Variants in TBC1D23 observed in about 807,000 individuals in gnomAD.
TBC1D23 encodes the protein HCV non-structural protein 4A-transactivated protein 1.
A neutral mutation model predicts 91.4 loss-of-function variants in TBC1D23; 55 were observed. The observed-to-expected ratio is 0.60, with a 90% CI of 0.48 to 0.75. The LOEUF (loss-of-function observed/expected upper bound fraction) is 0.75. TBC1D23 is among the 30% of genes least tolerant of loss of function. TBC1D23 has a pLI of 0.00. For missense variants in TBC1D23, 725 were observed against 836.1 expected (o/e 0.87, Z 1.64); for synonymous variants, 289 against 281.0 (o/e 1.03, Z -0.28).
intron 1 of TBC1D23, among the ~76,000 whole-genome samples, chr3:100,263,101 G>C (rs1045585936): frequency 6.6e-6 from 1 of 152,206 alleles, no homozygotes; most frequent in Non-Finnish European, 1.5e-5. Context: ...TCCGAAAAGA[G>C]AGTCAGCGAA....
intron 1 of TBC1D23, among the ~76,000 whole-genome samples, chr3:100,264,147 A>C (rs2067537890): frequency 6.6e-6 from 1 of 152,042 alleles, no homozygotes; most frequent in South Asian, 2.1e-4. Flanking sequence ...TGGGTTATAG[A>C]ATGGGGATGC....
At chr3:100,299,355 A>C in intron 10 of TBC1D23, 24 bp downstream of exon 10, 1 of 1,444,882 alleles carries the variant, frequency 6.9e-7, no homozygotes, top group Non-Finnish European at 9.6e-7. Context: ...CTGATTAATT[A>C]TTCTTAAAGT....
chr3:100,280,990 T>G (rs1158297174), intron 2 of TBC1D23, among the ~76,000 whole-genome samples: 4 of 152,228 alleles, frequency 2.6e-5, no homozygotes, highest in African/African-American at 4.8e-5. Flanking sequence ...TGAATCCCCA[T>G]CTCTACTAAA....
chr3:100,319,062 T>G lies in TBC1D23; in HGVS notation c.1688-7T>G, dbSNP rs1705805136. The G allele has an allele frequency of 1.3e-6, 2 of 1,531,658 alleles. No homozygotes were observed. The highest frequency in any genetic ancestry group is 1.4e-5 in the African/African-American group (1 of 71,842). 94.9% of individuals were successfully genotyped at this position (1,531,658 alleles called of 1,614,324 possible). A position where few individuals can be genotyped will look rare whatever the true frequency, so the allele number is the denominator to read the frequency against. Reference sequence around the variant, plus strand: ...TATCCATATTTAATACTTTGTATTTTTTATAGATGAAATTGACAGTTCTTC... The same window carrying G: ...TATCCATATTTAATACTTTGTATTTGTTATAGATGAAATTGACAGTTCTTC... On this transcript the variant is annotated splice_polypyrimidine_tract_variant and splice_region_variant and intron_variant, in intron 16 of 18. Transcript: ENST00000394144.
At chr3:100,306,262 G>C (rs1289425764) in intron 12 of TBC1D23, among the ~76,000 whole-genome samples, 175 bp from the exon 13 acceptor site, 2 of 152,182 alleles carry the variant, frequency 1.3e-5, no homozygotes, top group African/African-American at 4.8e-5. Context: ...AGGAAGGTTT[G>C]CTCTAGCTTG....
At position 100,266,552 on chromosome 3, in the gene TBC1D23, A is replaced by G. The variant is rs996571382; in HGVS notation, c.53+5481A>G. ...CCACAGTGTTGGGACTACAGGCATG[A>G]GCCACTGCACCCAGCCTAAAGGTAA... On this transcript the variant is annotated intron_variant, in intron 1 of 18. Coordinates refer to ENST00000394144, the MANE Select transcript of TBC1D23 (RefSeq NM_001199198.3). 2.0e-5 allele frequency among the ~76,000 whole-genome samples: 3 copies of G among 152,326 alleles called. No individual in the cohort carries two copies. In the East Asian group the frequency reaches 5.8e-4, roughly 29 times the overall value.
At chr3:100,283,398 C>G (rs1031220285) in intron 3 of TBC1D23, among the ~76,000 whole-genome samples, 3 of 151,702 alleles carry the variant, frequency 2.0e-5, no homozygotes, top group African/African-American at 7.3e-5. Context: ...TGTTATAAAG[C>G]GTTTTGACTG....
At position 100,323,676 on chromosome 3, in the gene TBC1D23, G is replaced by A; in HGVS notation, c.*8G>A. 1.4e-6 allele frequency: 2 copies of A among 1,430,622 alleles called. No individual in the cohort carries two copies. Among genetic ancestry groups the A allele is most frequent in the Non-Finnish European group, 1.9e-6 (2 of 1,066,208 alleles). The allele number at this position is 1,430,622 out of a possible 1,614,324, so 88.6% of individuals were successfully genotyped here. On this transcript the variant is annotated 3_prime_UTR_variant, in exon 19 of 19. Transcript: ENST00000394144. Reference sequence around the variant, plus strand: ...GATGCTTTGGAAAGTTAATATAAAAGAAAATTATATAAAAAGAAATTAAGA... The same window carrying A: ...GATGCTTTGGAAAGTTAATATAAAAAAAAATTATATAAAAAGAAATTAAGA...
intron 13 of TBC1D23, 127 bp from the exon 14 acceptor site, chr3:100,310,276 G>A (rs1340650749): frequency 1.3e-6 from 1 of 788,038 alleles, no homozygotes; most frequent in East Asian, 2.5e-5. Flanking sequence ...AGATATACTG[G>A]GAGTTAGGAC....
intron 5 of TBC1D23, 70 bp downstream of exon 5, chr3:100,290,771 T>C (rs2067783324): frequency 7.5e-7 from 1 of 1,332,306 alleles, no homozygotes; most frequent in Non-Finnish European, 1.0e-6. Flanking sequence ...GGTGGGTTTT[T>C]TTTTTCAAGG....
At chr3:100,304,635 C>G (rs113373083) in intron 11 of TBC1D23, among the ~76,000 whole-genome samples, 1 of 152,096 alleles carries the variant, frequency 6.6e-6, no homozygotes, top group African/African-American at 2.4e-5. Context: ...TGAAGTTGTT[C>G]CCTTCTTCCC....
chr3:100,281,657 A>C, intron 2 of TBC1D23, 85 bp from the exon 3 acceptor site: 1 of 800,910 alleles, frequency 1.2e-6, no homozygotes, highest in Non-Finnish European at 2.1e-6. Flanking sequence ...TTATTTTTAA[A>C]TTCAGGCCTT....
chr3:100,304,806 C>G, intron 11 of TBC1D23, 40 bp from the exon 12 acceptor site: 2 of 995,396 alleles, frequency 2.0e-6, no homozygotes, highest in Non-Finnish European at 3.2e-6. Flanking sequence ...TTAATTAAGT[C>G]GCAGTTTTGG....
chr3:100,290,640 C>G lies in TBC1D23; in HGVS notation c.539C>G (p.Pro180Arg). 6.2e-7 allele frequency: 1 copy of G among 1,612,466 alleles called. No homozygotes were observed. Among genetic ancestry groups the G allele is most frequent in the Non-Finnish European group, 8.5e-7 (1 of 1,178,570 alleles). Residue 180 changes from proline to arginine, a missense_variant, in exon 5 of 19, where the codon CCT becomes CGT. Transcript: ENST00000394144. ...AGGTTGCTCATCCAATACCATGAGC[C>G]TGAGCTTTGTTCTTATCTTGATACA... is the stretch of plus-strand genomic sequence containing the variant. ...LFRLLIQYHEPELCSYLDTKK... is the reference protein window; with the variant it reads ...LFRLLIQYHERELCSYLDTKK...
At chr3:100,290,548 C>G in intron 4 of TBC1D23, 30 bp from the exon 5 acceptor site, 1 of 1,608,952 alleles carries the variant, frequency 6.2e-7, no homozygotes, top group Non-Finnish European at 8.5e-7. Flanking sequence ...TCTGTTAATG[C>G]AAAAAAATTT....
At chr3:100,299,672 G>T (rs916588939) in intron 10 of TBC1D23, among the ~76,000 whole-genome samples, 9 of 152,062 alleles carry the variant, frequency 5.9e-5, no homozygotes, top group Admixed American at 4.6e-4. Flanking sequence ...ACCAGGCCCG[G>T]CTAATTTTTT....
intron 1 of TBC1D23, chr3:100,279,366 A>G (rs1041533020): frequency 1.6e-5 from 4 of 250,858 alleles, no homozygotes; most frequent in African/African-American, 8.9e-5. Context: ...TGTTATTACT[A>G]TGACTTCACA....
chr3:100,320,349 A>G (rs1705829786), intron 17 of TBC1D23, among the ~76,000 whole-genome samples: 1 of 152,236 alleles, frequency 6.6e-6, no homozygotes, highest in South Asian at 2.1e-4. Context: ...CAGAATGTTT[A>G]CAAAATATGT....
rs547637399 is a variant in TBC1D23, at chr3:100,299,700, G to A, written c.1092+369G>A. ...AATTTTTTGTATTTTTAGTAGAGAC[G>A]GGCTTTCACCATGTTGGCCAGGCTG... On this transcript the variant is annotated intron_variant, in intron 10 of 18. Transcript: ENST00000394144. Among the ~76,000 whole-genome samples the A allele has an allele frequency of 5.3e-5, 8 of 152,144 alleles. No individual in the cohort carries two copies. The South Asian group carries it at 6.2e-4, about 12-fold the overall frequency.
Sources: allele counts gnomAD v4.1 joint callset (sites outside exome capture counted in the v4.1 genomes callset), GRCh38; gene constraint gnomAD v4.1.1; transcripts MANE v1.5; gene names NCBI Gene and HGNC (gene_info 2026-07-23, HGNC 2026-07-21).